The following POT1 variants were observed in gnomAD, a reference collection of about 807,000 sequenced individuals.
POT1 encodes the protein protection of telomeres 1.
In POT1, 47 loss-of-function variants were observed where a neutral mutation model predicts 78.5. The ratio of observed to expected loss-of-function variants is 0.60; its 90% CI spans 0.47 to 0.76. POT1 has a LOEUF of 0.76. Ranked by LOEUF, POT1 falls within the 30% of genes least tolerant of loss-of-function variation. The pLI is 0.00. For missense variants in POT1, 646 were observed against 749.9 expected (o/e 0.86, Z 1.62); for synonymous variants, 259 against 260.7 (o/e 0.99, Z 0.06).
intron 6 of POT1, among the ~76,000 whole-genome samples, chr7:124,884,836 T>C (rs1189675299): frequency 6.6e-6 from 1 of 152,210 alleles, no homozygotes; most frequent in Non-Finnish European, 1.5e-5. Flanking sequence ...TTTTATGGTC[T>C]GAATACATTT....
In POT1 at chr7:124,827,324, A is replaced by T. The variant is rs1346165169; in HGVS notation, c.1595-19T>A. On this transcript the variant is annotated intron_variant, in intron 16 of 18. Transcript: ENST00000357628. ...CCCAGTGCTAGTGAAGGAAAAAAAG[A>T]TCAAACCATATGAGTCTGCTATTCC... 8 of 1,402,816 alleles carry T rather than the reference A, an allele frequency of 5.7e-6. No individual in the cohort carries two copies. The South Asian group carries it at 9.9e-5, about 17-fold the overall frequency. The allele number at this position is 1,402,816 out of a possible 1,614,324, so 86.9% of individuals were successfully genotyped here. A position where few individuals can be genotyped will look rare whatever the true frequency, so the allele number is the denominator to read the frequency against.
At chr7:124,874,666 T>C (rs1795946728) in intron 6 of POT1, among the ~76,000 whole-genome samples, 2 of 149,396 alleles carry the variant, frequency 1.3e-5, no homozygotes, top group Admixed American at 6.7e-5. Flanking sequence ...GCCTGGGAAG[T>C]GGAGGTTGCA....
chr7:124,827,378 T>C, intron 16 of POT1, 73 bp from the exon 17 acceptor site: 1 of 857,884 alleles, frequency 1.2e-6, no homozygotes, highest in Non-Finnish European at 1.8e-6. Flanking sequence ...TAAAATTGTT[T>C]TATGATAGTA....
intron 6 of POT1, among the ~76,000 whole-genome samples, chr7:124,872,682 G>C (rs571065859): frequency 2.6e-5 from 4 of 152,148 alleles, no homozygotes; most frequent in African/African-American, 4.8e-5. Flanking sequence ...ACGGTTTTGG[G>C]CAGCTGCTGG....
At chr7:124,888,503 C>T (rs1035698375) in intron 6 of POT1, among the ~76,000 whole-genome samples, 1 of 151,904 alleles carries the variant, frequency 6.6e-6, no homozygotes, top group Non-Finnish European at 1.5e-5. Flanking sequence ...ATAGAAAATG[C>T]TACTTGGATT....
intron 3 of POT1, among the ~76,000 whole-genome samples, chr7:124,900,181 CTGTTT>C (rs1323261669): frequency 2.0e-5 from 3 of 152,110 alleles, no homozygotes; most frequent in Admixed American, 6.5e-5. Context: ...GCAACTCTGC[CTGTTT>C]TATTTCCACA....
intron 6 of POT1, among the ~76,000 whole-genome samples, chr7:124,886,017 T>C (rs1189927783): frequency 6.6e-6 from 1 of 152,074 alleles, no homozygotes; most frequent in Non-Finnish European, 1.5e-5. Context: ...AACTTAGGAA[T>C]AGAAGCATTT....
In POT1 at chr7:124,890,407, G is replaced by C. The variant is rs1337271787; in HGVS notation, c.124+1859C>G. Among the ~76,000 whole-genome samples, 4 of 152,014 alleles carry C rather than the reference G, an allele frequency of 2.6e-5. No individual in the cohort carries two copies. In the South Asian group the frequency reaches 8.3e-4, roughly 31 times the overall value. On this transcript the variant is annotated intron_variant, in intron 6 of 18. Coordinates refer to ENST00000357628, the MANE Select transcript of POT1 (RefSeq NM_015450.3). ...TTTTGATATGACAACAAAAGACTTAGAATATTCCATAAACTTAGTTGATAA... is the reference window on the plus strand; with the variant it reads ...TTTTGATATGACAACAAAAGACTTACAATATTCCATAAACTTAGTTGATAA...
intron 3 of POT1, among the ~76,000 whole-genome samples, chr7:124,911,215 G>A (rs2116685831): frequency 6.6e-6 from 1 of 152,170 alleles, no homozygotes; most frequent in East Asian, 1.9e-4. Context: ...AGTAATGACA[G>A]CAGACCTTTA....
intron 5 of POT1, among the ~76,000 whole-genome samples, chr7:124,894,188 G>T (rs997095994): frequency 1.3e-5 from 2 of 151,296 alleles, no homozygotes; most frequent in Admixed American, 1.3e-4. Context: ...TTCCAAGGAG[G>T]CTTCTCAGTT....
At chr7:124,839,905 AC>A (rs1435705949) in intron 14 of POT1, among the ~76,000 whole-genome samples, 1 of 152,084 alleles carries the variant, frequency 6.6e-6, no homozygotes. Context: ...TCCACACTTT[AC>A]ATTACTAACA....
At chr7:124,868,768 T>C (rs561399244) in intron 7 of POT1, among the ~76,000 whole-genome samples, 2 of 150,046 alleles carry the variant, frequency 1.3e-5, no homozygotes, top group East Asian at 3.9e-4. Context: ...ATATGTTCAA[T>C]ATAATTCAAT....
chr7:124,860,104 T>A (rs1328734529), intron 8 of POT1, among the ~76,000 whole-genome samples: 1 of 151,920 alleles, frequency 6.6e-6, no homozygotes, highest in Non-Finnish European at 1.5e-5. Flanking sequence ...AAATATAATT[T>A]AAAAATTATT....
intron 7 of POT1, among the ~76,000 whole-genome samples, chr7:124,865,472 C>T (rs1280235627): frequency 6.6e-6 from 1 of 151,706 alleles, no homozygotes; most frequent in Non-Finnish European, 1.5e-5. Context: ...GTATTTAATC[C>T]TTGTTCTTCA....
intron 2 of POT1, among the ~76,000 whole-genome samples, chr7:124,916,288 C>T (rs572358954): frequency 6.6e-6 from 1 of 152,070 alleles, no homozygotes; most frequent in South Asian, 2.1e-4. Flanking sequence ...AAATAGGACT[C>T]AATTTTACTT....
chr7:124,888,700 T>C (rs1406022655), intron 6 of POT1, among the ~76,000 whole-genome samples: 2 of 152,038 alleles, frequency 1.3e-5, no homozygotes, highest in Admixed American at 1.3e-4. Context: ...TGTGCGTCTA[T>C]GTTACATTTT....
chr7:124,902,999 A>G (rs549839520), intron 3 of POT1, among the ~76,000 whole-genome samples: 2 of 152,300 alleles, frequency 1.3e-5, no homozygotes, highest in East Asian at 1.9e-4. Flanking sequence ...TATGCACCCA[A>G]TACAGGAACG....
At chr7:124,882,791 T>C (rs1269473950) in intron 6 of POT1, among the ~76,000 whole-genome samples, 5 of 152,024 alleles carry the variant, frequency 3.3e-5, no homozygotes, top group Non-Finnish European at 7.4e-5. Context: ...AGTATGCTAA[T>C]AATTTGGGAA....
intron 6 of POT1, among the ~76,000 whole-genome samples, chr7:124,871,878 G>A (rs1795879719): frequency 6.6e-6 from 1 of 151,840 alleles, no homozygotes; most frequent in Non-Finnish European, 1.5e-5. Context: ...TTTTTGCAGC[G>A]AGAACACTTA....
Sources: allele counts gnomAD v4.1 joint callset (sites outside exome capture counted in the v4.1 genomes callset), GRCh38; gene constraint gnomAD v4.1.1; transcripts MANE v1.5; gene names NCBI Gene and HGNC (gene_info 2026-07-23, HGNC 2026-07-21).